The following PLA2G6 variants were observed in gnomAD, a reference collection of about 807,000 sequenced individuals.
The protein encoded by PLA2G6 is 85/88 kDa calcium-independent phospholipase A2.
Under a neutral mutation model 83.8 loss-of-function variants are expected in PLA2G6, and 62 were observed. That is an observed-to-expected ratio of 0.74 (90% CI 0.60 to 0.91). The LOEUF is 0.91. PLA2G6 is among the 40% of genes least tolerant of loss of function. The pLI is 0.00. For synonymous variants in PLA2G6, 417 were observed against 449.8 expected (o/e 0.93, Z 0.92); for missense variants, 944 against 1,102.0 (o/e 0.86, Z 2.03).
At chr22:38,127,232 C>T (rs924291759) in intron 9 of PLA2G6, 6 of 1,204,014 alleles carry the variant, frequency 5.0e-6, no homozygotes, top group Middle Eastern at 3.8e-4. Flanking sequence ...CCCCAGGGCA[C>T]ACGGCTCCAC....
chr22:38,137,189 T>G (rs2088608846), intron 5 of PLA2G6: 1 of 152,378 alleles, frequency 6.6e-6, no homozygotes, highest in Non-Finnish European at 1.5e-5. Flanking sequence ...GGATTTATGC[T>G]GCCCAGCTCC....
intron 11 of PLA2G6, 99 bp from the exon 12 acceptor site, chr22:38,121,008 G>A (rs1433504436): frequency 1.4e-6 from 2 of 1,455,736 alleles, no homozygotes; most frequent in Non-Finnish European, 1.9e-6. Flanking sequence ...GGTGGCAGGA[G>A]GAAGCGGGTT....
At chr22:38,127,522 G>A in intron 9 of PLA2G6, 2 of 1,109,928 alleles carry the variant, frequency 1.8e-6, no homozygotes, top group Non-Finnish European at 2.5e-6. Flanking sequence ...AGAGAGAGGT[G>A]GAGCCAGGAC....
In PLA2G6 at chr22:38,112,175, G is replaced by A. The variant is rs772061693; in HGVS notation, c.2407C>T (p.Leu803=). 1.3e-6 allele frequency: 2 copies of A among 1,586,822 alleles called. No individual in the cohort carries two copies. The highest frequency in any genetic ancestry group is 1.7e-6 in the Non-Finnish European group (2 of 1,167,044). Residue 803 remains leucine (L), a synonymous_variant, in exon 17 of 17, where the codon CTG becomes TTG. Coordinates refer to ENST00000332509, the MANE Select transcript of PLA2G6 (RefSeq NM_003560.4). ...REEFQKLIQL[L]LSP ...GCTGGGGACCCTCAGGGTGAGAGCA[G>A]CAGCTGGATGAGCTTCTGGAACTCC...
chr22:38,159,272 A>G (rs1316202791), intron 2 of PLA2G6, among the ~76,000 whole-genome samples: 1 of 152,204 alleles, frequency 6.6e-6, no homozygotes, highest in Non-Finnish European at 1.5e-5. Flanking sequence ...CTTCGATAAA[A>G]TAGAAAAATT....
intron 2 of PLA2G6, chr22:38,148,711 A>G: frequency 1.7e-6 from 1 of 594,178 alleles, no homozygotes; most frequent in Non-Finnish European, 3.0e-6. Context: ...GGTGAGCCAT[A>G]CACAGACACG....
chr22:38,153,645 A>T (rs2089664737), intron 2 of PLA2G6, among the ~76,000 whole-genome samples: 1 of 151,998 alleles, frequency 6.6e-6, no homozygotes. Flanking sequence ...CAAAAAAAAA[A>T]AAAAAAGATG....
In PLA2G6 at chr22:38,128,629, G is replaced by T. The variant is rs373849859; in HGVS notation, c.1187-199C>A. On this transcript the variant is annotated intron_variant, in intron 8 of 16. Transcript: ENST00000332509. The surrounding 1 kb of genome is among the most constrained non-coding windows in gnomAD (Gnocchi z 4.4). ...GGTACATCCCAAGCAGCTTCCTAAG[G>T]CCAGGGAAGGAGGATATGGGAGGAG... 3.9e-5 allele frequency among the ~76,000 whole-genome samples: 6 copies of T among 152,170 alleles called. No homozygotes were observed. Among genetic ancestry groups the T allele is most frequent in the African/African-American group, 1.4e-4 (6 of 41,462 alleles).
At chr22:38,147,720 T>G (rs542209369) in intron 2 of PLA2G6, 2 of 152,110 alleles carry the variant, frequency 1.3e-5, no homozygotes, top group East Asian at 3.9e-4. Context: ...CCCAGCTAAT[T>G]TTTGTATTTT....
chr22:38,171,092 A>G (rs1190255100), intron 1 of PLA2G6, among the ~76,000 whole-genome samples: 1 of 151,524 alleles, frequency 6.6e-6, no homozygotes, highest in East Asian at 2.0e-4. Flanking sequence ...GAATCGCTTG[A>G]ACCTGGGAGG....
chr22:38,153,369 C>T (rs1024049853), intron 2 of PLA2G6, among the ~76,000 whole-genome samples: 10 of 152,224 alleles, frequency 6.6e-5, no homozygotes, highest in Admixed American at 3.3e-4. Context: ...TGAGGAGTGC[C>T]TCTCCTGGCC....
At chr22:38,178,485 A>G (rs2090721789) in intron 1 of PLA2G6, among the ~76,000 whole-genome samples, 1 of 151,882 alleles carries the variant, frequency 6.6e-6, no homozygotes, top group Non-Finnish European at 1.5e-5. Flanking sequence ...AGGTGGGGGG[A>G]TTGCTTAAGT....
intron 7 of PLA2G6, 81 bp from the exon 8 acceptor site, chr22:38,129,643 C>A: frequency 1.0e-6 from 1 of 1,001,762 alleles, no homozygotes; most frequent in Non-Finnish European, 1.6e-6. Flanking sequence ...CCAGCCCCAA[C>A]CTGTCAACTC....
intron 2 of PLA2G6, among the ~76,000 whole-genome samples, chr22:38,168,311 C>G (rs2090300716): frequency 6.6e-6 from 1 of 152,234 alleles, no homozygotes. Context: ...ACAGGGATAT[C>G]TGTCTGAGCC....
intron 2 of PLA2G6, among the ~76,000 whole-genome samples, chr22:38,166,327 C>T (rs1437227278): frequency 1.3e-5 from 2 of 152,088 alleles, no homozygotes; most frequent in African/African-American, 2.4e-5. Context: ...TGCAATGATG[C>T]TATCTGCTGA....
chr22:38,174,644 C>A (rs1269089124), intron 1 of PLA2G6, among the ~76,000 whole-genome samples: 1 of 152,108 alleles, frequency 6.6e-6, no homozygotes, highest in Non-Finnish European at 1.5e-5. Flanking sequence ...AGTTTGCCAG[C>A]GGGGGAAATG....
intron 1 of PLA2G6, among the ~76,000 whole-genome samples, chr22:38,173,294 C>G (rs2090507209): frequency 6.6e-6 from 1 of 152,106 alleles, no homozygotes; most frequent in Admixed American, 6.6e-5. Flanking sequence ...TAGACAATCA[C>G]TTTTCCCCAC....
intron 2 of PLA2G6, among the ~76,000 whole-genome samples, chr22:38,153,862 G>A (rs1419610590): frequency 1.3e-5 from 2 of 152,174 alleles, no homozygotes; most frequent in African/African-American, 2.4e-5. Context: ...GGGTCAGAGG[G>A]GAGCCCACTA....
intron 2 of PLA2G6, among the ~76,000 whole-genome samples, chr22:38,168,450 T>G (rs4821751): frequency 9.5e-4 from 145 of 152,216 alleles, no homozygotes; most frequent in Middle Eastern, 3.4e-3. Context: ...TTGAGCCTTC[T>G]CTTCAGGCCC....
Sources: gnomAD v4.1 joint callset for allele counts (sites outside exome capture counted in the v4.1 genomes callset) on GRCh38, gnomAD v4.1.1 for gene constraint, Gnocchi (gnomAD v3.1) non-coding constraint, MANE v1.5 for transcripts, NCBI Gene and HGNC (gene_info 2026-07-23, HGNC 2026-07-21) for gene names.